VRK1: variants seen among roughly 807,000 people sequenced by gnomAD.
The protein encoded by VRK1 is serine/threonine-protein kinase VRK1.
VRK1 carries 33 observed loss-of-function variants against 57.1 expected under a neutral mutation model. The ratio of observed to expected loss-of-function variants is 0.58; its 90% CI spans 0.44 to 0.77. The LOEUF (loss-of-function observed/expected upper bound fraction) is 0.77, where lower values mean the gene tolerates loss of function less well. Among genes scored for constraint, VRK1 ranks in the 30% least tolerant of loss-of-function variants. The pLI is 0.00. For synonymous variants in VRK1, 137 were observed against 147.8 expected, an observed-to-expected ratio of 0.93 and a Z score of 0.53; for missense variants, 413 against 477.3, an observed-to-expected ratio of 0.87 and a Z score of 1.25.
chr14:96,880,065 G>A (rs1344140224), intron 12 of VRK1, among the ~76,000 whole-genome samples: 1 of 152,088 alleles, frequency 6.6e-6, no homozygotes, highest in African/African-American at 2.4e-5. Context: ...TCATAGTACA[G>A]TATATAGGGT....
At chr14:96,844,998 C>T (rs368875013) in intron 3 of VRK1, among the ~76,000 whole-genome samples, 1 of 152,150 alleles carries the variant, frequency 6.6e-6, no homozygotes, top group Admixed American at 6.5e-5. Flanking sequence ...CAAAAGTCAT[C>T]TCTAGCAACC....
At chr14:96,861,366 T>A (rs1353063074) in intron 11 of VRK1, among the ~76,000 whole-genome samples, 1 of 152,196 alleles carries the variant, frequency 6.6e-6, no homozygotes, top group Non-Finnish European at 1.5e-5. Flanking sequence ...TGCTATTGAT[T>A]ATTTTTGATA....
chr14:96,835,384 A>G (rs533142680), intron 2 of VRK1, among the ~76,000 whole-genome samples: 1 of 152,150 alleles, frequency 6.6e-6, no homozygotes, highest in African/African-American at 2.4e-5. Flanking sequence ...TTCTGGCTGT[A>G]CTTGGTCATC....
rs556840108 is a variant in VRK1 at position 96,801,109 on chromosome 14, A to G, written c.-6+3662A>G. On this transcript the variant is annotated intron_variant, in intron 1 of 12. Coordinates refer to ENST00000216639, the MANE Select transcript of VRK1 (RefSeq NM_003384.3). ...TATTTATTTTATTTTCTTTTTGAGG[A>G]CCGTCTGTCTGGCTGTTTGTATGTC... 2.2e-3 allele frequency among the ~76,000 whole-genome samples: 329 copies of G among 152,210 alleles called. 3 individuals are homozygous for G. The highest frequency in any genetic ancestry group is 3.6e-3 in the Non-Finnish European group (243 of 68,006).
At position 96,847,250 on chromosome 14, in the gene VRK1, T is replaced by A. The variant is rs760193676; in HGVS notation, c.287-7T>A. On this transcript the variant is annotated splice_polypyrimidine_tract_variant and splice_region_variant and intron_variant, in intron 4 of 12. Coordinates refer to ENST00000216639, the MANE Select transcript of VRK1 (RefSeq NM_003384.3). ...TTGAAATCACAAAGATCTGTTTTAA[T>A]TTGTAGTTCAGAAATGGATTCGTAC... 5 of 1,611,808 alleles carry A rather than the reference T, an allele frequency of 3.1e-6. No individual in the cohort carries two copies. The highest frequency in any genetic ancestry group is 4.2e-6 in the Non-Finnish European group (5 of 1,178,044).
intron 11 of VRK1, among the ~76,000 whole-genome samples, chr14:96,865,236 G>C (rs148617838): frequency 3.5e-4 from 53 of 152,220 alleles, no homozygotes; most frequent in Non-Finnish European, 6.9e-4. Flanking sequence ...TTGATTTTGT[G>C]CATGGTGTGA....
chr14:96,799,627 A>G (rs1044152339), intron 1 of VRK1, among the ~76,000 whole-genome samples: 4 of 152,258 alleles, frequency 2.6e-5, no homozygotes, highest in Non-Finnish European at 5.9e-5. Flanking sequence ...AAATGCTTAT[A>G]TCTCCGTAGA....
intron 12 of VRK1, among the ~76,000 whole-genome samples, chr14:96,880,973 A>G (rs1475875777): frequency 4.6e-5 from 7 of 152,136 alleles, no homozygotes; most frequent in Admixed American, 4.6e-4. Context: ...ATATTTTTTG[A>G]CATATTAAAA....
chr14:96,801,402 TTAAG>T (rs1341255604), intron 1 of VRK1, among the ~76,000 whole-genome samples: 5 of 152,342 alleles, frequency 3.3e-5, no homozygotes, highest in Admixed American at 6.5e-5. Context: ...CTATTAGACC[TTAAG>T]TATTTATAGA....
At chr14:96,829,670 T>C (rs1381620046) in intron 1 of VRK1, among the ~76,000 whole-genome samples, 2 of 152,198 alleles carry the variant, frequency 1.3e-5, no homozygotes, top group Non-Finnish European at 2.9e-5. Flanking sequence ...CACAACAGTC[T>C]TAGTTAACAA....
chr14:96,830,416 G>A (rs78524870), intron 1 of VRK1, among the ~76,000 whole-genome samples: 19,726 of 150,094 alleles, frequency 0.13, 1,618 homozygotes, highest in Non-Finnish European at 0.19. Context: ...TATTTCTCTT[G>A]TCATTAAAAA....
At chr14:96,865,459 A>G (rs1205249858) in intron 11 of VRK1, among the ~76,000 whole-genome samples, 1 of 152,180 alleles carries the variant, frequency 6.6e-6, no homozygotes, top group Non-Finnish European at 1.5e-5. Flanking sequence ...GATAGCATAT[A>G]TTCTCCAACT....
intron 8 of VRK1, 125 bp from the exon 9 acceptor site, chr14:96,856,005 C>A: frequency 1.6e-6 from 2 of 1,216,340 alleles, no homozygotes; most frequent in Non-Finnish European, 2.3e-6. Context: ...GAAATGCAGT[C>A]AAAATTTTAT....
intron 1 of VRK1, among the ~76,000 whole-genome samples, chr14:96,821,445 AC>A (rs750631040): frequency 4.6e-5 from 7 of 152,164 alleles, no homozygotes; most frequent in East Asian, 3.8e-4. Context: ...GTTAAAAAAA[AC>A]AAAACAAAAC....
intron 5 of VRK1, among the ~76,000 whole-genome samples, chr14:96,851,434 C>T (rs1486882486): frequency 6.6e-6 from 1 of 152,176 alleles, no homozygotes; most frequent in Non-Finnish European, 1.5e-5. Context: ...AACTACCAGG[C>T]CCGGCCACCA....
chr14:96,875,997 ATCTC>A (rs760319122), intron 11 of VRK1, 29 bp from the exon 12 acceptor site: 14 of 1,585,650 alleles, frequency 8.8e-6, no homozygotes, highest in East Asian at 2.2e-5. Flanking sequence ...ACTGTCAGAT[ATCTC>A]TCTCTCTCTC....
intron 11 of VRK1, among the ~76,000 whole-genome samples, chr14:96,872,482 T>C (rs1888860735): frequency 6.6e-6 from 1 of 152,150 alleles, no homozygotes; most frequent in South Asian, 2.1e-4. Flanking sequence ...ATAGTTTACA[T>C]GAAATACACA....
At chr14:96,842,608 A>T (rs1887509991) in intron 3 of VRK1, among the ~76,000 whole-genome samples, 2 of 152,224 alleles carry the variant, frequency 1.3e-5, no homozygotes, top group Admixed American at 6.5e-5. Flanking sequence ...AAAACTTGCA[A>T]ATGTTACGAA....
chr14:96,865,547 T>G (rs1352381409), intron 11 of VRK1, among the ~76,000 whole-genome samples: 2 of 152,220 alleles, frequency 1.3e-5, no homozygotes, highest in African/African-American at 4.8e-5. Context: ...CTTATTAGTT[T>G]CCTCAAAAAT....
Sources: allele counts gnomAD v4.1 joint callset (sites outside exome capture counted in the v4.1 genomes callset), GRCh38; gene constraint gnomAD v4.1.1; transcripts MANE v1.5; gene names NCBI Gene and HGNC (gene_info 2026-07-23, HGNC 2026-07-21).